The following NOMO1 variants were observed in gnomAD, a reference collection of about 807,000 sequenced individuals.
NOMO1 encodes NODAL modulator 1.
NOMO1 carries 40 observed loss-of-function variants against 133.8 expected under a neutral mutation model. That is an observed-to-expected ratio of 0.30 (90% confidence interval 0.23 to 0.39). The LOEUF (loss-of-function observed/expected upper bound fraction) is 0.39. Among genes scored for constraint, NOMO1 ranks in the 10% least tolerant of loss-of-function variants. The pLI is 1.00. For synonymous variants in NOMO1, 236 were observed against 570.5 expected (o/e 0.41, Z 8.36); for missense variants, 462 against 1,419.9 (o/e 0.33, Z 10.84).
At chr16:14,889,654 C>T (rs924458181) in intron 29 of NOMO1, among the ~76,000 whole-genome samples, 5 of 151,830 alleles carry the variant, frequency 3.3e-5, no homozygotes, top group South Asian at 2.1e-4. Flanking sequence ...GGGCTCCTGG[C>T]ATTGGGTCAC....
Position 14,884,485 on chromosome 16 carries a change from A to T in NOMO1, c.3222+3A>T, listed in dbSNP as rs753913390. The T allele has an allele frequency of 1.7e-5, 28 of 1,611,538 alleles. No individual in the cohort carries two copies. Among genetic ancestry groups the T allele is most frequent in the Non-Finnish European group, 2.4e-5 (28 of 1,179,716 alleles). Reference sequence around the variant, plus strand: ...CTGAATACCTTCCTACATTATGGGTAAGTCCAGACTTTTAAGCTCCAAGTA... The same window carrying T: ...CTGAATACCTTCCTACATTATGGGTTAGTCCAGACTTTTAAGCTCCAAGTA... On this transcript the variant is annotated splice_donor_region_variant and intron_variant, in intron 27 of 30. Coordinates refer to ENST00000287667, the MANE Select transcript of NOMO1 (RefSeq NM_014287.4).
In NOMO1 at chr16:14,882,732, A is replaced by G. The variant is rs1005918488; in HGVS notation, c.3111+55A>G. The G allele has an allele frequency of 1.9e-6, 3 of 1,611,496 alleles. No individual in the cohort carries two copies. The African/African-American group carries it at 4.0e-5, about 22-fold the overall frequency. ...GGGTGTGGGTGCCTCCCTGATCAGAAGTCCTCCCGTCTCCTCTGGCTGTCT... is the reference window on the plus strand; with the variant it reads ...GGGTGTGGGTGCCTCCCTGATCAGAGGTCCTCCCGTCTCCTCTGGCTGTCT... On this transcript the variant is annotated intron_variant, in intron 26 of 30. Transcript: ENST00000287667.
At chr16:14,879,300 G>A (rs1385582691) in intron 23 of NOMO1, among the ~76,000 whole-genome samples, 1 of 151,930 alleles carries the variant, frequency 6.6e-6, no homozygotes, top group Admixed American at 6.6e-5. Context: ...CATCTTGTCA[G>A]TCATGGTGAC....
At chr16:14,867,176 A>ATATTTTTTT (rs1465653437) in intron 15 of NOMO1, among the ~76,000 whole-genome samples, 1 of 7,476 alleles carries the variant, frequency 1.3e-4, no homozygotes, top group Admixed American at 3.8e-3. Context: ...ATATATATAT[A>ATATTTTTTT]TTTTTTTTTT....
intron 28 of NOMO1, among the ~76,000 whole-genome samples, chr16:14,887,518 T>C (rs959471187): frequency 3.9e-4 from 59 of 151,652 alleles, no homozygotes; most frequent in African/African-American, 1.4e-3. Context: ...GCCAGGATGG[T>C]CTTGATCTCC....
intron 5 of NOMO1, among the ~76,000 whole-genome samples, chr16:14,847,766 G>A (rs1214767002): frequency 1.3e-5 from 2 of 151,998 alleles, no homozygotes; most frequent in East Asian, 1.9e-4. Flanking sequence ...TTGCAAAATA[G>A]AAGTTTATAA....
chr16:14,893,122 C>G (rs1159409165), intron 29 of NOMO1, among the ~76,000 whole-genome samples: 3 of 150,802 alleles, frequency 2.0e-5, no homozygotes, highest in Non-Finnish European at 4.4e-5. Context: ...CCTGAGTTTA[C>G]CCAGTGAGGC....
chr16:14,889,243 A>C (rs745516059), intron 29 of NOMO1, 28 bp downstream of exon 29: 121 of 1,611,482 alleles, frequency 7.5e-5, no homozygotes, highest in Non-Finnish European at 9.5e-5. Flanking sequence ...TTAAAAAAAA[A>C]CCCATGGGCT....
At chr16:14,868,727 G>A in intron 16 of NOMO1, 92 bp downstream of exon 16, 2 of 779,190 alleles carry the variant, frequency 2.6e-6, no homozygotes, top group South Asian at 1.6e-5. Flanking sequence ...CCTTAGTTCT[G>A]TTTGCATCAA....
chr16:14,859,595 G>T (rs989476108), intron 11 of NOMO1, among the ~76,000 whole-genome samples: 2 of 151,932 alleles, frequency 1.3e-5, no homozygotes, highest in Non-Finnish European at 2.9e-5. Flanking sequence ...TGGGCGGATC[G>T]ATTGAGCCCA....
At chr16:14,856,308 A>G (rs1963833638) in intron 9 of NOMO1, among the ~76,000 whole-genome samples, 2 of 152,090 alleles carry the variant, frequency 1.3e-5, no homozygotes, top group Admixed American at 6.5e-5. Flanking sequence ...AACTGCAGAG[A>G]AAGCACCGGT....
chr16:14,836,733 C>G (rs1464224056), intron 1 of NOMO1, among the ~76,000 whole-genome samples: 2 of 134,906 alleles, frequency 1.5e-5, no homozygotes, highest in Admixed American at 1.6e-4. Context: ...GAGTCTCGCT[C>G]TGTCGCCCAG....
At chr16:14,887,909 G>C (rs1465227208) in intron 28 of NOMO1, 3 of 150,206 alleles carry the variant, frequency 2.0e-5, no homozygotes, top group Non-Finnish European at 3.0e-5. Flanking sequence ...TGATTATAAC[G>C]TGTGTCGTGT....
At position 14,880,256 on chromosome 16, in the gene NOMO1, A is replaced by AGGG. The variant is rs1964224586; in HGVS notation, c.2885+115_2885+117dup. On this transcript the variant is annotated intron_variant, in intron 24 of 30. Coordinates refer to ENST00000287667, the MANE Select transcript of NOMO1 (RefSeq NM_014287.4). ...TCACACTGATTTTACTTGGGAGGGA[A>AGGG]GGGAGATGAGATATGAGGGCAAAGG... 2 of 878,194 alleles carry AGGG rather than the reference A, an allele frequency of 2.3e-6. 1 individual carries two copies. Among genetic ancestry groups the AGGG allele is most frequent in the African/African-American group, 3.5e-5 (2 of 57,466 alleles). The allele number at this position is 878,194 out of a possible 1,614,324, so 54.4% of individuals were successfully genotyped here.
chr16:14,892,041 G>C (rs2151013341), intron 29 of NOMO1, among the ~76,000 whole-genome samples: 1 of 151,874 alleles, frequency 6.6e-6, no homozygotes, highest in East Asian at 1.9e-4. Flanking sequence ...AGGAGTTCGA[G>C]ACCAGCCTGG....
chr16:14,866,838 T>C, intron 15 of NOMO1, 147 bp downstream of exon 15: 1 of 1,549,476 alleles, frequency 6.5e-7, no homozygotes, highest in East Asian at 2.3e-5. Flanking sequence ...ACGCAACGCA[T>C]AATCAGGAAG....
intron 29 of NOMO1, among the ~76,000 whole-genome samples, chr16:14,894,170 G>A (rs1431800121): frequency 4.0e-5 from 6 of 151,850 alleles, no homozygotes; most frequent in Non-Finnish European, 8.8e-5. Context: ...AAGTGTCCAG[G>A]AGTGACCAGT....
intron 1 of NOMO1, among the ~76,000 whole-genome samples, chr16:14,835,864 G>A (rs1963498884): frequency 6.6e-6 from 1 of 151,858 alleles, no homozygotes; most frequent in Non-Finnish European, 1.5e-5. Flanking sequence ...TGTTCATTGA[G>A]TCAACAACTA....
intron 28 of NOMO1, among the ~76,000 whole-genome samples, chr16:14,887,531 A>AC (rs1311715921): frequency 6.6e-6 from 1 of 151,154 alleles, no homozygotes; most frequent in Non-Finnish European, 1.5e-5. Flanking sequence ...TGATCTCCTG[A>AC]CCTCGTGATC....
Sources: allele counts gnomAD v4.1 joint callset (sites outside exome capture counted in the v4.1 genomes callset), GRCh38; gene constraint gnomAD v4.1.1; transcripts MANE v1.5; gene names NCBI Gene and HGNC (gene_info 2026-07-23, HGNC 2026-07-21).